Variants in AKAP19 observed in about 807,000 individuals in gnomAD.
AKAP19 encodes A-kinase anchoring protein 19, also known as small A-kinase anchoring protein.
At chr2:190,124,373 C>T in the AKAP19 span, among the ~76,000 whole-genome samples, 3 of 152,216 alleles carry the variant, frequency 2.0e-5, no homozygotes, top group African/African-American at 7.2e-5. Context: ...AACTTCTAGT[C>T]TACAAACCTG....
chr2:189,896,093 T>C, the AKAP19 span, among the ~76,000 whole-genome samples: 1 of 152,240 alleles, frequency 6.6e-6, no homozygotes, highest in Non-Finnish European at 1.5e-5. Context: ...TTCAGTATAT[T>C]AATAGAAGTT....
chr2:190,058,372 C>A, the AKAP19 span, among the ~76,000 whole-genome samples: 2 of 151,924 alleles, frequency 1.3e-5, no homozygotes, highest in African/African-American at 2.4e-5. Flanking sequence ...TAAAAAGGAA[C>A]ACTTTCTTAA....
the AKAP19 span, among the ~76,000 whole-genome samples, chr2:189,949,508 GAAAAA>G: frequency 6.9e-6 from 1 of 144,274 alleles, no homozygotes; most frequent in African/African-American, 2.6e-5. Flanking sequence ...CTCAAAAAAA[GAAAAA>G]AAAAAAGGAA....
the AKAP19 span, among the ~76,000 whole-genome samples, chr2:189,905,273 G>A: frequency 6.6e-5 from 10 of 151,826 alleles, no homozygotes; most frequent in Non-Finnish European, 1.0e-4. Flanking sequence ...AATGTCCTAT[G>A]TTTCCATTTG....
chr2:190,049,873 A>G, the AKAP19 span, among the ~76,000 whole-genome samples: 1 of 152,222 alleles, frequency 6.6e-6, no homozygotes, highest in African/African-American at 2.4e-5. Context: ...ATACACATAT[A>G]TATCTACTAA....
chr2:190,059,953 T>C, the AKAP19 span: 1 of 1,180,906 alleles, frequency 8.5e-7, no homozygotes, highest in Non-Finnish European at 1.2e-6. Flanking sequence ...AAGATACCTT[T>C]GTCTAGCTTA....
At chr2:190,152,231 T>C in the AKAP19 span, among the ~76,000 whole-genome samples, 1 of 152,228 alleles carries the variant, frequency 6.6e-6, no homozygotes, top group African/African-American at 2.4e-5. Context: ...ATCACCTATG[T>C]TGTTTTCTAA....
chr2:190,170,984 T>A, the AKAP19 span, among the ~76,000 whole-genome samples: 1 of 152,262 alleles, frequency 6.6e-6, no homozygotes, highest in Non-Finnish European at 1.5e-5. Context: ...TCTTGGGAAA[T>A]AAAATTTTAA....
the AKAP19 span, among the ~76,000 whole-genome samples, chr2:190,160,598 C>T: frequency 1.3e-5 from 2 of 152,072 alleles, no homozygotes; most frequent in African/African-American, 4.8e-5. Flanking sequence ...ATAATTCTTT[C>T]CCATTTAATG....
chr2:190,023,825 A>T, the AKAP19 span, among the ~76,000 whole-genome samples: 1 of 149,216 alleles, frequency 6.7e-6, no homozygotes, highest in South Asian at 2.1e-4. Context: ...ATATACATAT[A>T]TATACTTTTT....
At chr2:190,003,803 G>T in the AKAP19 span, among the ~76,000 whole-genome samples, 1 of 152,030 alleles carries the variant, frequency 6.6e-6, no homozygotes, top group South Asian at 2.1e-4. Context: ...GGAGGCAGAG[G>T]TTGCAGTGAG....
chr2:189,936,243 C>G, the AKAP19 span, among the ~76,000 whole-genome samples: 30,144 of 146,086 alleles, frequency 0.21, 3,050 homozygotes, highest in Middle Eastern at 0.27. Flanking sequence ...TTGAATGACT[C>G]TGTTAGACTT....
At chr2:189,973,796 G>A in the AKAP19 span, among the ~76,000 whole-genome samples, 1 of 152,068 alleles carries the variant, frequency 6.6e-6, no homozygotes, top group Non-Finnish European at 1.5e-5. Context: ...ATTCTCTGAT[G>A]GTAGTTTGTA....
chr2:190,048,488 C>T, the AKAP19 span, among the ~76,000 whole-genome samples: 44 of 152,194 alleles, frequency 2.9e-4, no homozygotes, highest in Non-Finnish European at 5.7e-4. Flanking sequence ...GAATTCCTGT[C>T]AGACAACTTT....
the AKAP19 span, among the ~76,000 whole-genome samples, chr2:189,945,195 G>A: frequency 1.3e-5 from 2 of 152,054 alleles, no homozygotes; most frequent in East Asian, 1.9e-4. Context: ...AGAAAAGCAA[G>A]AACAAACTAA....
At chr2:190,030,495 G>T in the AKAP19 span, among the ~76,000 whole-genome samples, 7 of 152,234 alleles carry the variant, frequency 4.6e-5, no homozygotes, top group East Asian at 1.2e-3. Flanking sequence ...TGGTGTGCCC[G>T]TGTTTTGCCA....
the AKAP19 span, among the ~76,000 whole-genome samples, chr2:190,021,233 C>T: frequency 6.6e-6 from 1 of 151,566 alleles, no homozygotes; most frequent in African/African-American, 2.4e-5. Context: ...TAAAAGCAAT[C>T]ATTTTATTAT....
the AKAP19 span, among the ~76,000 whole-genome samples, chr2:190,086,853 C>T: frequency 6.6e-6 from 1 of 152,132 alleles, no homozygotes; most frequent in Non-Finnish European, 1.5e-5. Flanking sequence ...ATTAATTGTC[C>T]CAGCGAATAC....
the AKAP19 span, among the ~76,000 whole-genome samples, chr2:189,936,118 C>G: frequency 2.6e-5 from 4 of 151,904 alleles, no homozygotes. Context: ...AATTAGAATT[C>G]TATACAGGAG....
Sources: gnomAD v4.1 joint callset for allele counts (sites outside exome capture counted in the v4.1 genomes callset) on GRCh38, gnomAD v4.1.1 for gene constraint, MANE v1.5 for transcripts, NCBI Gene and HGNC (gene_info 2026-07-23, HGNC 2026-07-21) for gene names.